Variants in GPC6 observed in about 807,000 individuals in gnomAD.
The protein encoded by GPC6 is glypican-6.
GPC6 carries 14 observed loss-of-function variants against 55.2 expected under a neutral mutation model. The observed-to-expected ratio is 0.25, with a 90% confidence interval of 0.17 to 0.40. GPC6 has a LOEUF of 0.40. GPC6 is among the 10% of genes least tolerant of loss of function. The pLI is 1.00. For synonymous variants in GPC6, 278 were observed against 259.6 expected (o/e 1.07, Z -0.68); for missense variants, 641 against 708.5 (o/e 0.90, Z 1.08).
chr13:93,933,221 A>G (rs992510326), intron 3 of GPC6, among the ~76,000 whole-genome samples: 1 of 152,062 alleles, frequency 6.6e-6, no homozygotes, highest in African/African-American at 2.4e-5. Flanking sequence ...GGGGCCATTT[A>G]GAAATGTCTG....
At chr13:94,331,894 A>T (rs937608169) in intron 6 of GPC6, among the ~76,000 whole-genome samples, 8 of 152,384 alleles carry the variant, frequency 5.2e-5, no homozygotes, top group African/African-American at 1.9e-4. Context: ...ATTATATCAA[A>T]GAGTTCGTCA....
chr13:93,884,900 A>T (rs905705795), intron 3 of GPC6, among the ~76,000 whole-genome samples: 1 of 152,122 alleles, frequency 6.6e-6, no homozygotes, highest in Non-Finnish European at 1.5e-5. Flanking sequence ...TTAGTGAAAA[A>T]TTCTAGAATA....
chr13:93,997,277 G>T (rs1223581580), intron 3 of GPC6, among the ~76,000 whole-genome samples: 1 of 152,080 alleles, frequency 6.6e-6, no homozygotes, highest in East Asian at 1.9e-4. Flanking sequence ...GTACAAAAAA[G>T]CCTAGAGTAT....
At chr13:93,527,011 G>T (rs1386563570) in intron 1 of GPC6, among the ~76,000 whole-genome samples, 1 of 151,886 alleles carries the variant, frequency 6.6e-6, no homozygotes, top group East Asian at 1.9e-4. Flanking sequence ...TGTGCCCTAA[G>T]CATTGTGTTT....
intron 6 of GPC6, among the ~76,000 whole-genome samples, chr13:94,364,908 G>A (rs1879222578): frequency 1.3e-5 from 2 of 152,148 alleles, no homozygotes; most frequent in Non-Finnish European, 1.5e-5. Flanking sequence ...AGGGCATGTC[G>A]AATTTACATG....
intron 4 of GPC6, among the ~76,000 whole-genome samples, chr13:94,128,597 C>T (rs966897624): frequency 2.6e-5 from 4 of 152,104 alleles, no homozygotes; most frequent in South Asian, 4.1e-4. Flanking sequence ...CTGGTCTTAA[C>T]GGGCAATTAA....
chr13:94,301,121 CAT>C (rs934278530), intron 5 of GPC6, among the ~76,000 whole-genome samples: 1 of 152,322 alleles, frequency 6.6e-6, no homozygotes, highest in African/African-American at 2.4e-5. Context: ...AGTCTGACCA[CAT>C]GTTATCATGA....
chr13:93,616,400 G>A (rs752373649), intron 2 of GPC6, among the ~76,000 whole-genome samples: 5 of 152,044 alleles, frequency 3.3e-5, no homozygotes, highest in African/African-American at 7.2e-5. Flanking sequence ...CAATATGTGC[G>A]ATTAGATCAT....
At chr13:93,517,726 A>G (rs183280086) in intron 1 of GPC6, among the ~76,000 whole-genome samples, 4 of 152,046 alleles carry the variant, frequency 2.6e-5, no homozygotes, top group African/African-American at 4.8e-5. Flanking sequence ...GTGTTAACCT[A>G]TCTTGGCATG....
intron 3 of GPC6, among the ~76,000 whole-genome samples, chr13:94,011,788 A>G (rs1469019287): frequency 6.6e-6 from 1 of 152,170 alleles, no homozygotes. Context: ...ACAGCCATTC[A>G]TTCAAACAAA....
At chr13:93,746,886 T>C (rs1227567067) in intron 2 of GPC6, among the ~76,000 whole-genome samples, 1 of 152,208 alleles carries the variant, frequency 6.6e-6, no homozygotes, top group Non-Finnish European at 1.5e-5. Flanking sequence ...CTAAATCCTG[T>C]CCAGAACATC....
chr13:93,622,987 G>T (rs556182848), intron 2 of GPC6, among the ~76,000 whole-genome samples: 3 of 152,118 alleles, frequency 2.0e-5, no homozygotes, highest in Non-Finnish European at 4.4e-5. Context: ...TTAATATTCT[G>T]CAAATGAGTG....
At chr13:93,449,250 A>T (rs1206122397) in intron 1 of GPC6, among the ~76,000 whole-genome samples, 1 of 152,212 alleles carries the variant, frequency 6.6e-6, no homozygotes, top group Non-Finnish European at 1.5e-5. Flanking sequence ...TAGGAAAAGG[A>T]GGAAGTCAAC....
chr13:93,972,708 T>C (rs1355830424), intron 3 of GPC6, among the ~76,000 whole-genome samples: 1 of 152,170 alleles, frequency 6.6e-6, no homozygotes. Flanking sequence ...CCTTCTAAGT[T>C]AGAGAATGCT....
At chr13:93,334,533 G>T (rs953319899) in intron 1 of GPC6, among the ~76,000 whole-genome samples, 3 of 152,106 alleles carry the variant, frequency 2.0e-5, no homozygotes, top group African/African-American at 7.2e-5. Flanking sequence ...TACAATCTCA[G>T]CTCCCTGCAA....
chr13:94,258,431 A>C, intron 4 of GPC6, among the ~76,000 whole-genome samples: 1 of 152,240 alleles, frequency 6.6e-6, no homozygotes, highest in Non-Finnish European at 1.5e-5. Flanking sequence ...TGCTACCTTA[A>C]ATAATATATT....
chr13:94,350,782 C>T (rs72632658), intron 6 of GPC6, among the ~76,000 whole-genome samples: 6,607 of 152,174 alleles, frequency 0.043, 337 homozygotes, highest in East Asian at 0.26. Flanking sequence ...AAAGGAAGGT[C>T]TGGGGCACAC....
chr13:93,492,026 A>G (rs1453311711), intron 1 of GPC6, among the ~76,000 whole-genome samples: 2 of 140,540 alleles, frequency 1.4e-5, no homozygotes, highest in East Asian at 2.1e-4. Context: ...TTCCATATGA[A>G]CTTTAAAGTA....
At chr13:93,556,261 A>G (rs1875456161) in intron 2 of GPC6, among the ~76,000 whole-genome samples, 1 of 151,776 alleles carries the variant, frequency 6.6e-6, no homozygotes, top group African/African-American at 2.4e-5. Context: ...TTTATTTTTC[A>G]CAATTGGTAA....
Sources: gnomAD v4.1 joint callset for allele counts (sites outside exome capture counted in the v4.1 genomes callset) on GRCh38, gnomAD v4.1.1 for gene constraint, MANE v1.5 for transcripts, NCBI Gene and HGNC (gene_info 2026-07-23, HGNC 2026-07-21) for gene names.